Variants in LRMDA observed in about 807,000 individuals in gnomAD.
LRMDA encodes the protein leucine rich melanocyte differentiation associated.
LRMDA carries 18 observed loss-of-function variants against 29.8 expected under a neutral mutation model. The observed-to-expected ratio is 0.60, with a 90% confidence interval of 0.42 to 0.90. LRMDA has a LOEUF of 0.90. Ranked by LOEUF, LRMDA falls within the 40% of genes least tolerant of loss-of-function variation. LRMDA has a pLI of 0.00. For synonymous variants in LRMDA, 125 were observed against 109.4 expected (o/e 1.14, Z -0.89); for missense variants, 273 against 273.9 (o/e 1.00, Z 0.02).
At chr10:75,720,946 G>A (rs552704664) in intron 2 of LRMDA, among the ~76,000 whole-genome samples, 18 of 152,270 alleles carry the variant, frequency 1.2e-4, no homozygotes, top group African/African-American at 4.3e-4. Context: ...GGTTAGTTTG[G>A]GTTTCATCAG....
intron 2 of LRMDA, among the ~76,000 whole-genome samples, chr10:75,673,353 G>C (rs553284693): frequency 8.5e-5 from 13 of 152,266 alleles, no homozygotes; most frequent in Middle Eastern, 3.4e-3. Flanking sequence ...AATCAGAAGA[G>C]ACCTTAGAGG....
At chr10:76,340,708 A>G (rs941515920) in intron 6 of LRMDA, among the ~76,000 whole-genome samples, 8 of 152,020 alleles carry the variant, frequency 5.3e-5, no homozygotes, top group African/African-American at 1.9e-4. Context: ...AAGTCTCAGA[A>G]CAAGCAGAGA....
intron 5 of LRMDA, among the ~76,000 whole-genome samples, chr10:76,300,518 G>A (rs1367787662): frequency 6.6e-6 from 1 of 152,226 alleles, no homozygotes; most frequent in Non-Finnish European, 1.5e-5. Flanking sequence ...TAATAGAGAA[G>A]TTAATACCTT....
intron 2 of LRMDA, among the ~76,000 whole-genome samples, chr10:75,800,124 C>A (rs137935025): frequency 6.6e-6 from 1 of 152,128 alleles, no homozygotes; most frequent in East Asian, 1.9e-4. Flanking sequence ...TCTTCTTTTA[C>A]CTCTGTCTAG....
chr10:76,107,267 C>A (rs539066763), intron 5 of LRMDA, among the ~76,000 whole-genome samples: 1 of 152,260 alleles, frequency 6.6e-6, no homozygotes, highest in African/African-American at 2.4e-5. Context: ...AATTTCTGGG[C>A]CTCACCCCTA....
chr10:75,919,165 A>G (rs902896884), intron 2 of LRMDA, among the ~76,000 whole-genome samples: 2 of 152,190 alleles, frequency 1.3e-5, no homozygotes, highest in African/African-American at 2.4e-5. Context: ...CCGGGGACAA[A>G]GCCGGGATGC....
chr10:75,865,319 C>T (rs1845001293), intron 2 of LRMDA, among the ~76,000 whole-genome samples: 1 of 152,134 alleles, frequency 6.6e-6, no homozygotes, highest in Non-Finnish European at 1.5e-5. Context: ...TGTTCTAGAT[C>T]TGAATGGAGG....
intron 5 of LRMDA, among the ~76,000 whole-genome samples, chr10:76,231,622 C>T (rs1244523339): frequency 6.6e-6 from 1 of 152,152 alleles, no homozygotes; most frequent in Non-Finnish European, 1.5e-5. Context: ...TCATAAAGGG[C>T]CTTGAACTAA....
intron 2 of LRMDA, among the ~76,000 whole-genome samples, chr10:75,820,938 A>C (rs1253844166): frequency 6.6e-6 from 1 of 152,204 alleles, no homozygotes; most frequent in East Asian, 1.9e-4. Flanking sequence ...GAAAACATAC[A>C]ACCTCCCAAG....
In LRMDA at chr10:75,622,799, C is replaced by G. The variant is rs1841204771; in HGVS notation, c.131+184305C>G. Among the ~76,000 whole-genome samples, 4 of 152,124 alleles carry G rather than the reference C, an allele frequency of 2.6e-5. No individual in the cohort carries two copies. In the South Asian group the frequency reaches 8.3e-4, roughly 32 times the overall value. ...CTAATGCTGTGTAATTATTAAGATA[C>G]ACTGCTTTTAAAAATACCAAGTGAA... On this transcript the variant is annotated intron_variant, in intron 2 of 6. Coordinates refer to ENST00000611255, the MANE Select transcript of LRMDA (RefSeq NM_001305581.2).
chr10:75,809,715 G>A (rs1843923072), intron 2 of LRMDA, among the ~76,000 whole-genome samples: 1 of 152,248 alleles, frequency 6.6e-6, no homozygotes, highest in Admixed American at 6.5e-5. Flanking sequence ...GGGAAGGATA[G>A]ACCAACCAGT....
chr10:75,580,800 C>T (rs1309614620), intron 2 of LRMDA, among the ~76,000 whole-genome samples: 1 of 152,070 alleles, frequency 6.6e-6, no homozygotes, highest in Non-Finnish European at 1.5e-5. Flanking sequence ...ACAAACCTGA[C>T]AAAATCAAGA....
intron 5 of LRMDA, among the ~76,000 whole-genome samples, chr10:76,134,537 T>G (rs1850058831): frequency 6.6e-6 from 1 of 152,204 alleles, no homozygotes; most frequent in Non-Finnish European, 1.5e-5. Flanking sequence ...AACAATCATT[T>G]CTAGGCAATA....
chr10:75,695,833 A>G (rs1204187173), intron 2 of LRMDA, among the ~76,000 whole-genome samples: 3 of 152,122 alleles, frequency 2.0e-5, no homozygotes. Flanking sequence ...CAGCTGAAGT[A>G]TGCTTGCTGT....
chr10:75,594,973 G>T (rs1840768246), intron 2 of LRMDA, among the ~76,000 whole-genome samples: 2 of 152,160 alleles, frequency 1.3e-5, no homozygotes, highest in South Asian at 4.2e-4. Context: ...TTTAGTTTAT[G>T]TAAATTATCT....
chr10:76,241,685 C>A (rs1852280027), intron 5 of LRMDA, among the ~76,000 whole-genome samples: 1 of 152,140 alleles, frequency 6.6e-6, no homozygotes, highest in Non-Finnish European at 1.5e-5. Context: ...AGCAGAGGAG[C>A]CCTTGGGCTC....
chr10:76,314,624 G>A (rs1840669475), intron 5 of LRMDA, among the ~76,000 whole-genome samples: 1 of 152,184 alleles, frequency 6.6e-6, no homozygotes, highest in South Asian at 2.1e-4. Flanking sequence ...ATAAATAACA[G>A]TAAAATTTTG....
intron 2 of LRMDA, among the ~76,000 whole-genome samples, chr10:76,015,528 C>T (rs72813540): frequency 0.028 from 4,243 of 152,302 alleles, 91 homozygotes; most frequent in Non-Finnish European, 0.04. Context: ...CCCAGAAAGA[C>T]AGAAGTCAGT....
chr10:75,453,316 C>T (rs1194042840), intron 2 of LRMDA, among the ~76,000 whole-genome samples: 1 of 152,198 alleles, frequency 6.6e-6, no homozygotes, highest in Non-Finnish European at 1.5e-5. Flanking sequence ...GTTTCCTACA[C>T]TGTCTTTTCT....
Sources: gnomAD v4.1 joint callset for allele counts (sites outside exome capture counted in the v4.1 genomes callset) on GRCh38, gnomAD v4.1.1 for gene constraint, MANE v1.5 for transcripts, NCBI Gene and HGNC (gene_info 2026-07-23, HGNC 2026-07-21) for gene names.